The following SLC23A2 variants were observed in gnomAD, a reference collection of about 807,000 sequenced individuals.
The protein encoded by SLC23A2 is solute carrier family 23 member 2.
Under a neutral mutation model 73.3 loss-of-function variants are expected in SLC23A2, and 36 were observed. The ratio of observed to expected loss-of-function variants is 0.49; its 90% CI spans 0.38 to 0.65. The LOEUF is 0.65. Among genes scored for constraint, SLC23A2 ranks in the 30% least tolerant of loss-of-function variants. SLC23A2 has a pLI of 0.00. For missense variants in SLC23A2, 507 were observed against 841.6 expected, an observed-to-expected ratio of 0.60 and a Z score of 4.92; for synonymous variants, 343 against 327.3, an observed-to-expected ratio of 1.05 and a Z score of -0.52.
rs1228911977 is a variant in SLC23A2 at position 4,902,695 on chromosome 20, A to G, written c.208-137T>C. 4 of 547,326 alleles carry G rather than the reference A, an allele frequency of 7.3e-6. No individual in the cohort carries two copies. The highest frequency in any genetic ancestry group is 3.1e-5 in the East Asian group (1 of 32,260). The allele number at this position is 547,326 out of a possible 1,614,324, so 33.9% of individuals were successfully genotyped here. On this transcript the variant is annotated intron_variant, in intron 4 of 16. Coordinates refer to ENST00000338244, the MANE Select transcript of SLC23A2 (RefSeq NM_005116.6). The surrounding 1 kb of genome is among the most constrained non-coding windows in gnomAD (Gnocchi z 4.0). ...CTTCCTGCAGTTTTGAGCCTTGGCT[A>G]TCTTTGAAGCCAAGTATTCTCTTTG...
rs1006525063 is a variant in SLC23A2, at chr20:4,899,247, C to T, written c.482+308G>A. Among the ~76,000 whole-genome samples the T allele has an allele frequency of 7.4e-4, 113 of 152,150 alleles. No homozygotes were observed. Among genetic ancestry groups the T allele is most frequent in the African/African-American group, 2.7e-3 (110 of 41,486 alleles). On this transcript the variant is annotated intron_variant, in intron 6 of 16. Coordinates refer to ENST00000338244, the MANE Select transcript of SLC23A2 (RefSeq NM_005116.6). This position sits in a 1 kb window ranked among gnomAD's most constrained non-coding sequence, Gnocchi z 4.9. ...GCCTGGTGGGACACTCTGGTCTGAA[C>T]GTAAGGAATAGGGGCACAGAGGGGT...
chr20:4,993,358 A>T (rs1232997011), intron 1 of SLC23A2, among the ~76,000 whole-genome samples: 2 of 149,406 alleles, frequency 1.3e-5, no homozygotes, highest in East Asian at 2.0e-4. Flanking sequence ...ATTTCAGATT[A>T]AAAAATTAGG....
In SLC23A2 at chr20:4,869,993, A is replaced by T. The variant is rs1218462189; in HGVS notation, c.1163T>A (p.Val388Asp). The change falls in exon 12 of 17, where the codon GTC becomes GAC. Residue 388 changes from valine to aspartate, a missense_variant. Val to Asp is a radical substitution (Grantham distance 152). Coordinates refer to ENST00000338244, the MANE Select transcript of SLC23A2 (RefSeq NM_005116.6). ...AGVIGMLSAV[V>D]ASIIESIGDY... ...ACCAATAGACTCGATGATGCTGGCGACCACGGCACTGAGCATGCCGATGAC... is the reference window on the plus strand; with the variant it reads ...ACCAATAGACTCGATGATGCTGGCGTCCACGGCACTGAGCATGCCGATGAC... 1.2e-6 allele frequency: 2 copies of T among 1,613,750 alleles called. No individual in the cohort carries two copies. The highest frequency in any genetic ancestry group is 1.7e-6 in the Non-Finnish European group (2 of 1,179,902).
intron 6 of SLC23A2, among the ~76,000 whole-genome samples, chr20:4,887,066 T>G (rs774639397): frequency 6.6e-6 from 1 of 152,198 alleles, no homozygotes; most frequent in Non-Finnish European, 1.5e-5. Context: ...TGTTTAATCA[T>G]GCAATGACAT....
intron 1 of SLC23A2, among the ~76,000 whole-genome samples, chr20:4,979,224 C>T (rs866775703): frequency 2.7e-5 from 4 of 150,472 alleles, no homozygotes; most frequent in Non-Finnish European, 4.4e-5. Context: ...ACCCGGGAGG[C>T]GGAGGTTACA....
At chr20:4,980,278 G>C (rs1001525508) in intron 1 of SLC23A2, among the ~76,000 whole-genome samples, 1 of 152,026 alleles carries the variant, frequency 6.6e-6, no homozygotes, top group Non-Finnish European at 1.5e-5. Flanking sequence ...CTCAGATTTA[G>C]GTACAATGCT....
At chr20:4,877,884 G>A (rs964362519) in intron 9 of SLC23A2, among the ~76,000 whole-genome samples, 39 of 152,322 alleles carry the variant, frequency 2.6e-4, no homozygotes, top group African/African-American at 8.2e-4. Context: ...CTGACCGGCC[G>A]CACTAACCTT....
intron 2 of SLC23A2, among the ~76,000 whole-genome samples, chr20:4,942,161 A>G (rs2087052144): frequency 6.6e-6 from 1 of 152,152 alleles, no homozygotes; most frequent in South Asian, 2.1e-4. Context: ...AATGCAAGCA[A>G]ATCAATTCAG....
Position 4,902,773 on chromosome 20 carries a change from A to T in SLC23A2, c.208-215T>A, listed in dbSNP as rs570197701. Among the ~76,000 whole-genome samples, 1 of 152,202 alleles carries T rather than the reference A, an allele frequency of 6.6e-6. No individual in the cohort carries two copies. The highest frequency in any genetic ancestry group is 1.9e-4 in the East Asian group (1 of 5,172). ...GTCAATCCTCAGAATTTGGGGGGTC[A>T]GCGTCCTTGGGCAACATCTCATCCC... On this transcript the variant is annotated intron_variant, in intron 4 of 16. Coordinates refer to ENST00000338244, the MANE Select transcript of SLC23A2 (RefSeq NM_005116.6). This position sits in a 1 kb window ranked among gnomAD's most constrained non-coding sequence, Gnocchi z 4.0.
At chr20:4,893,516 C>A (rs1931407255) in intron 6 of SLC23A2, among the ~76,000 whole-genome samples, 1 of 152,118 alleles carries the variant, frequency 6.6e-6, no homozygotes, top group African/African-American at 2.4e-5. Flanking sequence ...ATCATGAGTT[C>A]GAAGTCCCCA....
chr20:4,894,763 A>T (rs1424980943), intron 6 of SLC23A2, among the ~76,000 whole-genome samples: 1 of 152,232 alleles, frequency 6.6e-6, no homozygotes, highest in Non-Finnish European at 1.5e-5. Flanking sequence ...CTGCAAAGAC[A>T]CACATCTGTT....
chr20:4,878,726 T>C (rs1393765468), intron 9 of SLC23A2, among the ~76,000 whole-genome samples: 1 of 152,244 alleles, frequency 6.6e-6, no homozygotes, highest in Non-Finnish European at 1.5e-5. Context: ...TAGTTTTTCC[T>C]ACATAATTTG....
intron 2 of SLC23A2, among the ~76,000 whole-genome samples, chr20:4,968,415 G>C (rs1482394302): frequency 1.3e-5 from 2 of 152,178 alleles, no homozygotes; most frequent in Non-Finnish European, 2.9e-5. Flanking sequence ...GCCTTGAAAA[G>C]CAAACTCAAC....
intron 6 of SLC23A2, among the ~76,000 whole-genome samples, chr20:4,889,147 G>A (rs1931219737): frequency 6.6e-6 from 1 of 152,196 alleles, no homozygotes; most frequent in Non-Finnish European, 1.5e-5. Flanking sequence ...ATAAGGGGCC[G>A]TGATGTGACG....
At position 4,869,922 on chromosome 20, in the gene SLC23A2, TGG is replaced by T; in HGVS notation, c.1232_1233del (p.Pro411HisfsTer18). The T allele has an allele frequency of 6.7e-6, 7 of 1,047,198 alleles. No individual in the cohort carries two copies. Among genetic ancestry groups the T allele is most frequent in the African/African-American group, 2.4e-5 (1 of 41,026 alleles). 64.9% of individuals were successfully genotyped at this position (1,047,198 alleles called of 1,614,324 possible). A position where few individuals can be genotyped will look rare whatever the true frequency, so the allele number is the denominator to read the frequency against. ...GGAACGTACCTGTTTATTGCGTGGA[TGG>T]GGGGGGGTGGGGCACAGGACAGCCG... ...CARLSCAPPP[P>X]IHAINRGIFV... On this transcript the variant is annotated frameshift_variant, in exon 12 of 17. Coordinates refer to ENST00000338244, the MANE Select transcript of SLC23A2 (RefSeq NM_005116.6). LOFTEE classifies it high-confidence loss of function.
intron 2 of SLC23A2, among the ~76,000 whole-genome samples, chr20:4,964,476 G>A (rs961939109): frequency 7.2e-5 from 11 of 152,048 alleles, no homozygotes; most frequent in African/African-American, 2.7e-4. Context: ...AAAACCGGAG[G>A]GGAAAATATT....
intron 4 of SLC23A2, among the ~76,000 whole-genome samples, chr20:4,906,187 A>G (rs1003508029): frequency 2.6e-5 from 4 of 152,186 alleles, no homozygotes; most frequent in African/African-American, 9.7e-5. Flanking sequence ...ACAAACAAAC[A>G]AAAATTAGCT....
chr20:4,931,271 G>A (rs1408954164), intron 3 of SLC23A2, among the ~76,000 whole-genome samples: 2 of 151,960 alleles, frequency 1.3e-5, no homozygotes, highest in Non-Finnish European at 2.9e-5. Flanking sequence ...CCTGAGCCCA[G>A]GAGGTCAAGG....
At position 4,856,550 on chromosome 20, in the gene SLC23A2, A is replaced by T. The variant is rs529930794; in HGVS notation, c.*422T>A. ...TCAGAGGAGGTCTCCGCGGGCACAG[A>T]CGAGGGTCAAATGACAAGGAAACAG... On this transcript the variant is annotated 3_prime_UTR_variant, in exon 17 of 17. Transcript: ENST00000338244. This position sits in a 1 kb window ranked among gnomAD's most constrained non-coding sequence, Gnocchi z 4.6. 8 of 162,970 alleles carry T rather than the reference A, an allele frequency of 4.9e-5. No homozygotes were observed. The highest frequency in any genetic ancestry group is 4.2e-4 in the Admixed American group (7 of 16,614). The allele number at this position is 162,970 out of a possible 1,614,324, so 10.1% of individuals were successfully genotyped here. A position where few individuals can be genotyped will look rare whatever the true frequency, so the allele number is the denominator to read the frequency against.
Sources: gnomAD v4.1 joint callset for allele counts (sites outside exome capture counted in the v4.1 genomes callset) on GRCh38, gnomAD v4.1.1 for gene constraint, Gnocchi (gnomAD v3.1) non-coding constraint, MANE v1.5 for transcripts, NCBI Gene and HGNC (gene_info 2026-07-23, HGNC 2026-07-21) for gene names.